The following DPF3 variants were observed in gnomAD, a reference collection of about 807,000 sequenced individuals.
DPF3 encodes the protein double PHD fingers 3, also known as zinc finger protein DPF3.
Under a neutral mutation model 56.8 loss-of-function variants are expected in DPF3, and 18 were observed. That is an observed-to-expected ratio of 0.32 (90% CI 0.22 to 0.47). The LOEUF (loss-of-function observed/expected upper bound fraction) is 0.47. DPF3 is among the 20% of genes least tolerant of loss of function. DPF3 has a pLI of 1.00. For synonymous variants in DPF3, 188 were observed against 180.2 expected (o/e 1.04, Z -0.35); for missense variants, 403 against 488.8 (o/e 0.82, Z 1.65).
At chr14:72,884,940 C>CTATATATATATATATG (rs1886458327) in intron 1 of DPF3, among the ~76,000 whole-genome samples, 1 of 29,602 alleles carries the variant, frequency 3.4e-5, no homozygotes, top group Non-Finnish European at 8.6e-5. Flanking sequence ...ACTAAAAATA[C>CTATATATATATATATG]TATATATATA....
intron 9 of DPF3, among the ~76,000 whole-genome samples, chr14:72,624,339 T>C (rs1330378742): frequency 6.9e-6 from 1 of 144,508 alleles, no homozygotes; most frequent in Non-Finnish European, 1.5e-5. Context: ...GTCTCTTTTT[T>C]TTTTTTTTTT....
intron 3 of DPF3, among the ~76,000 whole-genome samples, chr14:72,748,732 G>A (rs1266981288): frequency 1.3e-5 from 2 of 152,220 alleles, no homozygotes; most frequent in African/African-American, 4.8e-5. Flanking sequence ...TCCAGCTGTG[G>A]CTGAAAGGGG....
intron 6 of DPF3, among the ~76,000 whole-genome samples, chr14:72,711,136 C>A (rs1389876901): frequency 6.6e-6 from 1 of 152,206 alleles, no homozygotes; most frequent in Non-Finnish European, 1.5e-5. Context: ...ATTACCACTA[C>A]ACATAAACCC....
intron 1 of DPF3, among the ~76,000 whole-genome samples, chr14:72,859,648 G>A (rs1359140737): frequency 6.6e-6 from 1 of 152,130 alleles, no homozygotes; most frequent in African/African-American, 2.4e-5. Flanking sequence ...TTGCTGTAGA[G>A]GTAGAACAGC....
intron 7 of DPF3, among the ~76,000 whole-genome samples, chr14:72,685,829 C>T (rs771935933): frequency 6.6e-6 from 1 of 152,114 alleles, no homozygotes; most frequent in African/African-American, 2.4e-5. Context: ...GCCCAAAATG[C>T]GAGAGAAATA....
intron 1 of DPF3, among the ~76,000 whole-genome samples, chr14:72,876,863 A>C (rs1482754658): frequency 2.6e-5 from 4 of 152,160 alleles, no homozygotes; most frequent in African/African-American, 9.7e-5. Flanking sequence ...ACCACCTGGA[A>C]CCTCACGTGA....
intron 1 of DPF3, chr14:72,879,689 C>A (rs1886252553): frequency 3.8e-6 from 5 of 1,303,896 alleles, no homozygotes; most frequent in Non-Finnish European, 5.1e-6. Context: ...GAGCCACAAG[C>A]AGTTTGCTCA....
intron 3 of DPF3, among the ~76,000 whole-genome samples, chr14:72,738,193 G>A (rs1889978308): frequency 6.6e-6 from 1 of 152,006 alleles, no homozygotes; most frequent in Non-Finnish European, 1.5e-5. Context: ...GCAGGCCCAG[G>A]GATCCATCTG....
chr14:72,798,430 A>T lies in DPF3; in HGVS notation c.33-26537T>A, dbSNP rs557529046. 2.0e-5 allele frequency among the ~76,000 whole-genome samples: 3 copies of T among 152,308 alleles called. No homozygotes were observed. The South Asian group carries it at 6.2e-4, about 32-fold the overall frequency. ...GTAGCCATATTTTCAACATACATAC[A>T]TACATACATGTATGAAACCAAGATA... is the stretch of plus-strand genomic sequence containing the variant. On this transcript the variant is annotated intron_variant, in intron 1 of 10. Coordinates refer to ENST00000556509, the MANE Select transcript of DPF3 (RefSeq NM_001280542.3).
At chr14:72,829,032 C>A (rs1883938830) in intron 1 of DPF3, among the ~76,000 whole-genome samples, 2 of 152,182 alleles carry the variant, frequency 1.3e-5, no homozygotes, top group Admixed American at 1.3e-4. Flanking sequence ...GAAAGCCTTG[C>A]CCAAGGTCAC....
chr14:72,729,502 G>C (rs564513649), intron 4 of DPF3, among the ~76,000 whole-genome samples: 28 of 152,216 alleles, frequency 1.8e-4, no homozygotes, highest in African/African-American at 6.7e-4. Context: ...GGCGGTAGCG[G>C]GTTCTGAGCA....
chr14:72,725,891 T>C (rs774069882), intron 4 of DPF3, among the ~76,000 whole-genome samples: 3 of 152,210 alleles, frequency 2.0e-5, no homozygotes, highest in Non-Finnish European at 4.4e-5. Context: ...ACAGGTCTAG[T>C]AAATTCTTCT....
intron 1 of DPF3, among the ~76,000 whole-genome samples, chr14:72,872,080 T>C (rs1036222063): frequency 6.6e-6 from 1 of 152,220 alleles, no homozygotes; most frequent in African/African-American, 2.4e-5. Flanking sequence ...ACATAGAAGC[T>C]GCCAACGCTT....
Position 72,679,209 on chromosome 14 carries a change from T to A in DPF3, c.743-4841A>T, listed in dbSNP as rs550721725. 3 of 152,292 alleles carry A rather than the reference T, an allele frequency of 2.0e-5. No individual in the cohort carries two copies. In the East Asian group the frequency reaches 5.8e-4, roughly 29 times the overall value. The allele number at this position is 152,292 out of a possible 1,614,324, so 9.4% of individuals were successfully genotyped here. On this transcript the variant is annotated intron_variant, in intron 7 of 10. Coordinates refer to ENST00000556509, the MANE Select transcript of DPF3 (RefSeq NM_001280542.3). ...ATCTCCGCTGTGGTGTGCCTGCCAC[T>A]CACAGAAAGAATGACTGGCAGGGAC...
At position 72,718,730 on chromosome 14, in the gene DPF3, G is replaced by A. The variant is rs1599382094; in HGVS notation, c.526-4229C>T. Reference sequence around the variant, plus strand: ...GGGGCTCTCAGTGTAAGGAATTCCTGAGATCAAAAAAATTGAGAACCACTG... The same window carrying A: ...GGGGCTCTCAGTGTAAGGAATTCCTAAGATCAAAAAAATTGAGAACCACTG... On this transcript the variant is annotated intron_variant, in intron 5 of 10. Transcript: ENST00000556509. Among the ~76,000 whole-genome samples the A allele has an allele frequency of 2.9e-5, 4 of 138,332 alleles. No homozygotes were observed. The South Asian group carries it at 9.2e-4, about 32-fold the overall frequency. The allele number at this position is 138,332 out of a possible 152,430, so 90.8% of individuals were successfully genotyped here. A position where few individuals can be genotyped will look rare whatever the true frequency, so the allele number is the denominator to read the frequency against.
chr14:72,849,980 A>G (rs993603771), intron 1 of DPF3, among the ~76,000 whole-genome samples: 1 of 152,104 alleles, frequency 6.6e-6, no homozygotes, highest in African/African-American at 2.4e-5. Flanking sequence ...TTAGCCAGGC[A>G]TGGTGTCATA....
At chr14:72,662,475 T>C in intron 8 of DPF3, 2 of 984,220 alleles carry the variant, frequency 2.0e-6, no homozygotes, top group Non-Finnish European at 2.4e-6. Flanking sequence ...TTTTTTTCCA[T>C]CAGTTTGTTT....
chr14:72,728,859 T>C (rs1284890418), intron 4 of DPF3, among the ~76,000 whole-genome samples: 1 of 151,520 alleles, frequency 6.6e-6, no homozygotes, highest in Admixed American at 6.6e-5. Context: ...ATAAGAGTGA[T>C]GGAAAAGAAC....
intron 7 of DPF3, among the ~76,000 whole-genome samples, chr14:72,686,746 G>T (rs558558175): frequency 6.6e-6 from 1 of 152,328 alleles, no homozygotes; most frequent in African/African-American, 2.4e-5. Context: ...CAATTTCCCA[G>T]AAAGAGCTCT....
Sources: gnomAD v4.1 joint callset for allele counts (sites outside exome capture counted in the v4.1 genomes callset) on GRCh38, gnomAD v4.1.1 for gene constraint, MANE v1.5 for transcripts, NCBI Gene and HGNC (gene_info 2026-07-23, HGNC 2026-07-21) for gene names.